ACOX1: variants seen among roughly 807,000 people sequenced by gnomAD.
ACOX1 encodes acyl-CoA oxidase 1.
Under a neutral mutation model 75.5 loss-of-function variants are expected in ACOX1, and 41 were observed. That is an observed-to-expected ratio of 0.54 (90% CI 0.42 to 0.70). ACOX1 has a LOEUF of 0.70. Ranked by LOEUF, ACOX1 falls within the 30% of genes least tolerant of loss-of-function variation. The pLI, the probability that ACOX1 is intolerant of heterozygous loss-of-function variation, is 0.00. For synonymous variants in ACOX1, 303 were observed against 298.8 expected, an observed-to-expected ratio of 1.01 and a Z score of -0.15; for missense variants, 630 against 837.5, an observed-to-expected ratio of 0.75 and a Z score of 3.06.
chr17:75,970,483 A>C (rs142776992), intron 2 of ACOX1, among the ~76,000 whole-genome samples: 3 of 152,210 alleles, frequency 2.0e-5, no homozygotes, highest in Non-Finnish European at 4.4e-5. Context: ...TGTATATCCG[A>C]GTTTCTTCGT....
intron 3 of ACOX1, among the ~76,000 whole-genome samples, chr17:75,957,815 CATTT>C (rs933187111): frequency 2.0e-5 from 3 of 152,132 alleles, no homozygotes; most frequent in African/African-American, 7.2e-5. Context: ...TGATTTGTTA[CATTT>C]ATTTACAGCA....
chr17:75,949,315 GGA>G lies in ACOX1; in HGVS notation c.1628_1629del (p.Leu543ProfsTer6). On this transcript the variant is annotated frameshift_variant, in exon 12 of 14. Coordinates refer to ENST00000293217, the MANE Select transcript of ACOX1 (RefSeq NM_004035.7). LOFTEE classifies it high-confidence loss of function. ...YVVVKLFSEK[L>X]LKIQDKAIQA... Reference sequence around the variant, plus strand: ...TGAATGGCTTTATCTTGAATTTTGAGGAGTTTTTCTGAAAAGAGCTTAACTAC... The same window carrying G: ...TGAATGGCTTTATCTTGAATTTTGAGGTTTTTCTGAAAAGAGCTTAACTAC... The G allele has an allele frequency of 6.2e-7, 1 of 1,614,126 alleles. No individual in the cohort carries two copies. Among genetic ancestry groups the G allele is most frequent in the Non-Finnish European group, 8.5e-7 (1 of 1,180,002 alleles).
At chr17:75,977,369 C>T (rs1598204649) in intron 2 of ACOX1, among the ~76,000 whole-genome samples, 1 of 151,716 alleles carries the variant, frequency 6.6e-6, no homozygotes, top group Admixed American at 6.6e-5. Flanking sequence ...GAGTTTGAGA[C>T]CAGCCTGGCA....
rs149370934 is a variant in ACOX1, at chr17:75,978,082, C to CTTTATTTA, written c.269+444_269+451dup. Among the ~76,000 whole-genome samples, 6 of 151,514 alleles carry CTTTATTTA rather than the reference C, an allele frequency of 4.0e-5. No homozygotes were observed. Among genetic ancestry groups the CTTTATTTA allele is most frequent in the East Asian group, 1.9e-4 (1 of 5,156 alleles). On this transcript the variant is annotated intron_variant, in intron 2 of 13. Transcript: ENST00000293217. The surrounding 1 kb of genome is among the most constrained non-coding windows in gnomAD (Gnocchi z 4.2). The stretch of plus-strand genomic sequence containing the variant: ...ATCACATTATTTTTCACACATATAA[C>CTTTATTTA]TTTATTTATTTATTTATTTATTTAT...
At chr17:75,975,634 C>A (rs1391796283) in intron 2 of ACOX1, among the ~76,000 whole-genome samples, 1 of 152,174 alleles carries the variant, frequency 6.6e-6, no homozygotes, top group East Asian at 1.9e-4. Context: ...AGAAGCTGCT[C>A]ATTAACATCA....
intron 2 of ACOX1, among the ~76,000 whole-genome samples, chr17:75,966,816 G>A (rs879710365): frequency 6.6e-6 from 1 of 151,570 alleles, no homozygotes; most frequent in Admixed American, 6.6e-5. Flanking sequence ...ATTTTATAAA[G>A]CACCAGTGGT....
intron 12 of ACOX1, 83 bp from the exon 13 acceptor site, chr17:75,948,540 G>T (rs571863933): frequency 2.5e-6 from 3 of 1,200,638 alleles, no homozygotes; most frequent in South Asian, 1.4e-5. Context: ...CTATAAAGCG[G>T]ATGACAATTA....
intron 2 of ACOX1, among the ~76,000 whole-genome samples, chr17:75,969,480 A>C (rs1033983321): frequency 2.6e-5 from 4 of 152,128 alleles, no homozygotes. Flanking sequence ...CACAGCTTTC[A>C]TAAAGTTTAT....
chr17:75,950,585 T>C lies in ACOX1; in HGVS notation c.1298+189A>G, dbSNP rs2065765186. 6.6e-6 allele frequency among the ~76,000 whole-genome samples: 1 copy of C among 152,110 alleles called. No individual in the cohort carries two copies. The highest frequency in any genetic ancestry group is 6.6e-5 in the Admixed American group (1 of 15,228). On this transcript the variant is annotated intron_variant, in intron 9 of 13. Coordinates refer to ENST00000293217, the MANE Select transcript of ACOX1 (RefSeq NM_004035.7). The surrounding 1 kb of genome is among the most constrained non-coding windows in gnomAD (Gnocchi z 4.3). ...ATCCTTGATACAACTGCAAGCTATG[T>C]AACAGGTGCTTCATACTCTCTAGCC...
In ACOX1 at chr17:75,945,735, G is replaced by A. The variant is rs934417550; in HGVS notation, c.*1013C>T. Reference sequence around the variant, plus strand: ...ACATAGAGTAAGAAATAGAACCTATGGAACTTCCATTTTTCTAACTATAGT... The same window carrying A: ...ACATAGAGTAAGAAATAGAACCTATAGAACTTCCATTTTTCTAACTATAGT... On this transcript the variant is annotated 3_prime_UTR_variant, in exon 14 of 14. Coordinates refer to ENST00000293217, the MANE Select transcript of ACOX1 (RefSeq NM_004035.7). 2.0e-5 allele frequency: 3 copies of A among 153,502 alleles called. No individual in the cohort carries two copies. Among genetic ancestry groups the A allele is most frequent in the Non-Finnish European group, 2.9e-5 (2 of 68,014 alleles). The allele number at this position is 153,502 out of a possible 1,614,324, so 9.5% of individuals were successfully genotyped here.
chr17:75,959,981 A>G (rs999011050), intron 3 of ACOX1, among the ~76,000 whole-genome samples: 2 of 152,184 alleles, frequency 1.3e-5, no homozygotes, highest in Non-Finnish European at 2.9e-5. Context: ...GCAATTCTTG[A>G]CCCTCTGAAG....
chr17:75,969,350 C>G (rs7220130), intron 2 of ACOX1, among the ~76,000 whole-genome samples: 120,859 of 151,938 alleles, frequency 0.8, 48,921 homozygotes, highest in African/African-American at 0.95. Flanking sequence ...ATTTTTAGTA[C>G]GGACGGGGTT....
intron 2 of ACOX1, among the ~76,000 whole-genome samples, chr17:75,966,727 G>A (rs532745624): frequency 2.0e-5 from 3 of 152,222 alleles, no homozygotes; most frequent in East Asian, 3.9e-4. Flanking sequence ...TTGAATCCAG[G>A]AGGCAGAGGT....
At chr17:75,956,961 CTCTCTCTCTCTATATATATA>C (rs1394823360) in intron 4 of ACOX1, among the ~76,000 whole-genome samples, 49 of 22,202 alleles carry the variant, frequency 2.2e-3, no homozygotes, top group African/African-American at 5.8e-3. Context: ...CTCTCTCTCT[CTCTCTCTCTCTATATATATA>C]TATATATATA....
intron 8 of ACOX1, 104 bp downstream of exon 8, chr17:75,951,311 A>T: frequency 1.4e-6 from 2 of 1,416,348 alleles, no homozygotes; most frequent in Non-Finnish European, 2.0e-6. Flanking sequence ...CAGAATACAT[A>T]CTTCTTTTCA....
chr17:75,965,927 C>T (rs942652977), intron 2 of ACOX1, among the ~76,000 whole-genome samples: 20 of 151,438 alleles, frequency 1.3e-4, no homozygotes, highest in East Asian at 3.9e-4. Flanking sequence ...GTCAAGAGTT[C>T]GAGACCAGCC....
intron 2 of ACOX1, among the ~76,000 whole-genome samples, chr17:75,968,778 C>T (rs1351782604): frequency 1.3e-5 from 2 of 151,294 alleles, no homozygotes; most frequent in Non-Finnish European, 2.9e-5. Flanking sequence ...CAAAAGTAGC[C>T]GGGCGTGGTG....
intron 12 of ACOX1, 37 bp from the exon 13 acceptor site, chr17:75,948,494 A>C (rs752657556): frequency 6.6e-7 from 1 of 1,507,458 alleles, no homozygotes; most frequent in South Asian, 1.1e-5. Flanking sequence ...AAACATATAT[A>C]TGTATATAGA....
intron 13 of ACOX1, among the ~76,000 whole-genome samples, chr17:75,947,281 C>A (rs1482543599): frequency 7.0e-6 from 1 of 143,298 alleles, no homozygotes; most frequent in African/African-American, 2.6e-5. Flanking sequence ...GAGCCTCGCT[C>A]TTGTTGCCCA....
Sources: gnomAD v4.1 joint callset for allele counts (sites outside exome capture counted in the v4.1 genomes callset) on GRCh38, gnomAD v4.1.1 for gene constraint, Gnocchi (gnomAD v3.1) non-coding constraint, MANE v1.5 for transcripts, NCBI Gene and HGNC (gene_info 2026-07-23, HGNC 2026-07-21) for gene names.